TMEM131L: variants seen among roughly 807,000 people sequenced by gnomAD.
The protein encoded by TMEM131L is transmembrane protein 131-like.
In TMEM131L, 54 loss-of-function variants were observed where a neutral mutation model predicts 192.2. That is an observed-to-expected ratio of 0.28 (90% CI 0.23 to 0.35). TMEM131L has a LOEUF of 0.35. TMEM131L is among the 10% of genes least tolerant of loss of function. TMEM131L has a pLI of 1.00. For synonymous variants in TMEM131L, 701 were observed against 704.9 expected, an observed-to-expected ratio of 0.99 and a Z score of 0.09; for missense variants, 1,888 against 1,972.9, an observed-to-expected ratio of 0.96 and a Z score of 0.82.
At chr4:153,476,984 C>T (rs905350882) in intron 3 of TMEM131L, among the ~76,000 whole-genome samples, 5 of 152,282 alleles carry the variant, frequency 3.3e-5, no homozygotes, top group African/African-American at 1.2e-4. Context: ...ACAACTTAAA[C>T]ATCCTTTTTG....
chr4:153,548,337 G>T (rs1313640184), intron 3 of TMEM131L, among the ~76,000 whole-genome samples: 2 of 152,158 alleles, frequency 1.3e-5, no homozygotes, highest in African/African-American at 4.8e-5. Flanking sequence ...GTCTCGCTCT[G>T]TCGCCAAGGC....
At chr4:153,574,539 G>T (rs952336533) in intron 7 of TMEM131L, among the ~76,000 whole-genome samples, 5 of 152,174 alleles carry the variant, frequency 3.3e-5, no homozygotes, top group Non-Finnish European at 1.5e-5. Context: ...GGGGCCACCT[G>T]CTGGAGCAGT....
At chr4:153,525,177 G>A (rs990506900) in intron 3 of TMEM131L, among the ~76,000 whole-genome samples, 4 of 152,148 alleles carry the variant, frequency 2.6e-5, no homozygotes, top group African/African-American at 7.2e-5. Context: ...CAATGTGTTT[G>A]AGTGGTGCAC....
intron 25 of TMEM131L, among the ~76,000 whole-genome samples, chr4:153,606,988 C>T (rs1441043132): frequency 6.6e-6 from 1 of 152,092 alleles, no homozygotes; most frequent in African/African-American, 2.4e-5. Flanking sequence ...CAGCACTGTC[C>T]TGGGAAAATA....
intron 3 of TMEM131L, among the ~76,000 whole-genome samples, chr4:153,518,083 G>C (rs1734858238): frequency 6.6e-6 from 1 of 152,088 alleles, no homozygotes; most frequent in African/African-American, 2.4e-5. Flanking sequence ...TTTCCAACTT[G>C]CTTTTAGTGA....
At chr4:153,580,743 T>C (rs1730272985) in intron 7 of TMEM131L, 83 bp from the exon 8 acceptor site, 8 of 771,522 alleles carry the variant, frequency 1.0e-5, no homozygotes, top group Non-Finnish European at 1.8e-5. Flanking sequence ...GTGTAGTTTC[T>C]GAATACTTGA....
At chr4:153,627,550 G>C in intron 30 of TMEM131L, 55 bp from the exon 31 acceptor site, 1 of 1,345,990 alleles carries the variant, frequency 7.4e-7, no homozygotes, top group Admixed American at 1.7e-5. Context: ...TACAATATCA[G>C]TATTTCCTCG....
intron 3 of TMEM131L, among the ~76,000 whole-genome samples, chr4:153,520,595 A>G (rs762337771): frequency 2.2e-4 from 33 of 152,240 alleles, no homozygotes; most frequent in Non-Finnish European, 4.1e-4. Flanking sequence ...GGAAGGCCCT[A>G]GGTCTCCAGT....
intron 16 of TMEM131L, 92 bp downstream of exon 16, chr4:153,589,099 C>T (rs1384059807): frequency 5.8e-6 from 4 of 692,862 alleles, no homozygotes; most frequent in African/African-American, 1.8e-5. Context: ...TCTAAGACCC[C>T]CCTCTCACCC....
intron 3 of TMEM131L, among the ~76,000 whole-genome samples, chr4:153,520,394 T>A (rs7684533): frequency 0.19 from 29,283 of 151,996 alleles, 4,924 homozygotes; most frequent in African/African-American, 0.44. Context: ...AGCTGATCAC[T>A]GGAGGTCAAG....
At chr4:153,632,046 GC>G (rs1482352405) in intron 31 of TMEM131L, among the ~76,000 whole-genome samples, 3 of 152,206 alleles carry the variant, frequency 2.0e-5, no homozygotes, top group Non-Finnish European at 2.9e-5. Context: ...AGGCGTGGTG[GC>G]TCACGCCTGT....
At chr4:153,536,563 G>T (rs1736344102) in intron 3 of TMEM131L, among the ~76,000 whole-genome samples, 1 of 152,152 alleles carries the variant, frequency 6.6e-6, no homozygotes, top group Non-Finnish European at 1.5e-5. Context: ...GAAACACTTT[G>T]CTGGGTGCTT....
intron 17 of TMEM131L, 105 bp downstream of exon 17, chr4:153,591,299 A>G (rs141135028): frequency 2.1e-5 from 22 of 1,071,528 alleles, no homozygotes; most frequent in Non-Finnish European, 2.7e-5. Flanking sequence ...CAAAGCCAAA[A>G]TTAAGGCGAT....
In TMEM131L at chr4:153,583,254, T is replaced by A. The variant is rs778556407; in HGVS notation, c.951+6T>A. 3 of 1,324,912 alleles carry A rather than the reference T, an allele frequency of 2.3e-6. No individual in the cohort carries two copies. The highest frequency in any genetic ancestry group is 3.3e-6 in the Non-Finnish European group (3 of 918,306). The allele number at this position is 1,324,912 out of a possible 1,614,324, so 82.1% of individuals were successfully genotyped here. On this transcript the variant is annotated splice_donor_region_variant and intron_variant, in intron 10 of 34. Coordinates refer to ENST00000409959, the MANE Select transcript of TMEM131L (RefSeq NM_001131007.2). ...ACAGCCTTATATGGATACAGGTAATTGTAAATGCTTACCTAAAGTAACTTT... is the reference window on the plus strand; with the variant it reads ...ACAGCCTTATATGGATACAGGTAATAGTAAATGCTTACCTAAAGTAACTTT...
chr4:153,484,481 T>A (rs1732166218), intron 3 of TMEM131L, among the ~76,000 whole-genome samples: 1 of 151,460 alleles, frequency 6.6e-6, no homozygotes, highest in Non-Finnish European at 1.5e-5. Context: ...TTTTTATTTT[T>A]TTTTTGAGAC....
At chr4:153,580,282 C>T (rs577874789) in intron 7 of TMEM131L, among the ~76,000 whole-genome samples, 58 of 152,222 alleles carry the variant, frequency 3.8e-4, no homozygotes, top group Admixed American at 2.5e-3. Flanking sequence ...ATGCTTTTGT[C>T]TCTTTCATCC....
chr4:153,532,375 A>G (rs1380947307), intron 3 of TMEM131L, among the ~76,000 whole-genome samples: 5 of 152,048 alleles, frequency 3.3e-5, no homozygotes, highest in Admixed American at 6.5e-5. Context: ...TCTTTCCTAC[A>G]TGGAATCCTG....
Position 153,588,891 on chromosome 4 carries a change from A to G in TMEM131L, c.1554A>G (p.Gly518=), listed in dbSNP as rs142747090. The G allele has an allele frequency of 2.3e-5, 35 of 1,513,722 alleles. No individual in the cohort carries two copies. The highest frequency in any genetic ancestry group is 3.0e-5 in the Non-Finnish European group (33 of 1,089,530). The allele number at this position is 1,513,722 out of a possible 1,614,324, so 93.8% of individuals were successfully genotyped here. Residue 518 remains glycine, a splice_region_variant and synonymous_variant, in exon 16 of 35, where the codon GGA becomes GGG. Coordinates refer to ENST00000409959, the MANE Select transcript of TMEM131L (RefSeq NM_001131007.2). ...TATGGAATCTGATCTAACTTTTAGG[A>G]AATCCTAATTGGAATGGGAGCCTTT... ...MHYFMGKSKA[G]NPNWNGSLSL... is the part of the protein sequence containing the mutation.
intron 14 of TMEM131L, among the ~76,000 whole-genome samples, chr4:153,586,807 T>C (rs754247763): frequency 3.9e-5 from 6 of 152,222 alleles, no homozygotes; most frequent in Non-Finnish European, 8.8e-5. Flanking sequence ...TTGAATTTGC[T>C]TAGTGGGCCA....
Sources: allele counts gnomAD v4.1 joint callset (sites outside exome capture counted in the v4.1 genomes callset), GRCh38; gene constraint gnomAD v4.1.1; transcripts MANE v1.5; gene names NCBI Gene and HGNC (gene_info 2026-07-23, HGNC 2026-07-21).